NEXMIF: variants seen among roughly 807,000 people sequenced by gnomAD.
The protein encoded by NEXMIF is XLMR protein related to neurite extension.
A neutral mutation model predicts 62.1 loss-of-function variants in NEXMIF; 8 were observed. The ratio of observed to expected loss-of-function variants is 0.13; its 90% confidence interval spans 0.08 to 0.23. The LOEUF is 0.23. Among genes scored for constraint, NEXMIF ranks in the 10% least tolerant of loss-of-function variants. NEXMIF has a pLI of 1.00. For missense variants in NEXMIF, 976 were observed against 1,113.3 expected, an observed-to-expected ratio of 0.88 and a Z score of 1.75; for synonymous variants, 404 against 416.6, an observed-to-expected ratio of 0.97 and a Z score of 0.37.
intron 1 of NEXMIF, among the ~76,000 whole-genome samples, chrX:74,748,929 G>A (rs766008938): frequency 1.8e-5 from 2 of 111,865 alleles, no homozygotes; most frequent in East Asian, 5.6e-4. Flanking sequence ...TTTGGAGTTT[G>A]AGTAGTGCCA....
At chrX:74,922,273 G>A (rs1300369848) in intron 1 of NEXMIF, among the ~76,000 whole-genome samples, 1 of 111,727 alleles carries the variant, frequency 9.0e-6, no homozygotes, top group Non-Finnish European at 1.9e-5. Flanking sequence ...AAAAGGGACA[G>A]ACTTGAAGTA....
chrX:74,798,100 C>G (rs986970821), intron 1 of NEXMIF, among the ~76,000 whole-genome samples: 11 of 111,898 alleles, frequency 9.8e-5, no homozygotes, highest in African/African-American at 3.6e-4. Context: ...TGCCAGTAAA[C>G]CCAAGTACCT....
At chrX:74,829,310 T>C (rs773678368) in intron 1 of NEXMIF, among the ~76,000 whole-genome samples, 84 of 112,569 alleles carry the variant, frequency 7.5e-4, no homozygotes, top group Admixed American at 2.3e-3. Context: ...GATGTTTGTA[T>C]TTCTGTGCTT....
chrX:74,818,125 A>C (rs1018357614), intron 1 of NEXMIF, among the ~76,000 whole-genome samples: 1 of 111,072 alleles, frequency 9.0e-6, no homozygotes, highest in Admixed American at 9.6e-5. Flanking sequence ...ATTATAAAAA[A>C]AACTTATAAA....
chrX:74,899,351 T>A (rs1376192691), intron 1 of NEXMIF, among the ~76,000 whole-genome samples: 1 of 111,525 alleles, frequency 9.0e-6, no homozygotes, highest in Non-Finnish European at 1.9e-5. Flanking sequence ...CAAAAAAAAC[T>A]GTTAGAACTG....
At position 74,740,572 on chromosome X, in the gene NEXMIF, C is replaced by T; in HGVS notation, c.3985G>A (p.Asp1329Asn). 8.3e-7 allele frequency: 1 copy of T among 1,212,011 alleles called. No homozygotes were observed. Among genetic ancestry groups the T allele is most frequent in the Non-Finnish European group, 1.1e-6 (1 of 895,504 alleles). ...GAGGCCATCATGAATCTCTGCACAT[C>T]TGCCATACCAGAGGCAATGTTGGAC... ...ILSNIASGMADVQRFMMASIE... is the reference protein window; with the variant it reads ...ILSNIASGMANVQRFMMASIE... The change falls in exon 3 of 4, where the codon GAT becomes AAT. Residue 1329 changes from aspartate to asparagine, a missense_variant. Asp to Asn is a conservative substitution (Grantham distance 23). Coordinates refer to ENST00000055682, the MANE Select transcript of NEXMIF (RefSeq NM_001008537.3).
chrX:74,813,219 C>T (rs1396669909), intron 1 of NEXMIF, among the ~76,000 whole-genome samples: 1 of 111,252 alleles, frequency 9.0e-6, no homozygotes, highest in African/African-American at 3.3e-5. Flanking sequence ...CAATTTAGAG[C>T]CTCCACATTA....
intron 1 of NEXMIF, among the ~76,000 whole-genome samples, chrX:74,798,562 T>C (rs2080319452): frequency 8.9e-6 from 1 of 112,455 alleles, no homozygotes; most frequent in African/African-American, 3.2e-5. Flanking sequence ...GGTGGACATT[T>C]GGGCCTAGCT....
At chrX:74,878,804 C>A (rs1006975720) in intron 1 of NEXMIF, among the ~76,000 whole-genome samples, 9 of 112,407 alleles carry the variant, frequency 8.0e-5, no homozygotes, top group Non-Finnish European at 1.5e-4. Flanking sequence ...ACTCCCTGAC[C>A]CCTTGCGCTT....
Position 74,745,484 on chromosome X carries a change from G to T in NEXMIF, c.79+88C>A, listed in dbSNP as rs781557607. ...TTCAGAGGCATCCTGGACTCAACCT[G>T]TCCCAACTTTGTGGGTACTGAAAAT... On this transcript the variant is annotated intron_variant, in intron 2 of 3. Coordinates refer to ENST00000055682, the MANE Select transcript of NEXMIF (RefSeq NM_001008537.3). 94 of 642,117 alleles carry T rather than the reference G, an allele frequency of 1.5e-4. 2 individuals carry two copies. In the South Asian group the frequency reaches 2.2e-3, roughly 15 times the overall value. The allele number at this position is 642,117 out of a possible 1,213,427, so 52.9% of individuals were successfully genotyped here.
At chrX:74,894,541 A>C (rs2080727303) in intron 1 of NEXMIF, among the ~76,000 whole-genome samples, 1 of 111,414 alleles carries the variant, frequency 9.0e-6, no homozygotes, top group African/African-American at 3.3e-5. Flanking sequence ...CAAAAAAAGA[A>C]AACTACAGGC....
intron 1 of NEXMIF, among the ~76,000 whole-genome samples, chrX:74,876,481 G>A (rs1438391662): frequency 9.0e-6 from 1 of 110,848 alleles, no homozygotes; most frequent in African/African-American, 3.3e-5. Context: ...ATTTGGGGTG[G>A]AGAGTTCTGT....
intron 1 of NEXMIF, among the ~76,000 whole-genome samples, chrX:74,876,381 T>A: frequency 8.9e-6 from 1 of 111,964 alleles, no homozygotes; most frequent in Non-Finnish European, 1.9e-5. Flanking sequence ...TCTGTTCTTT[T>A]ACATTTGCTG....
chrX:74,893,693 G>C (rs1569364781), intron 1 of NEXMIF, among the ~76,000 whole-genome samples: 1 of 112,140 alleles, frequency 8.9e-6, no homozygotes, highest in East Asian at 2.8e-4. Flanking sequence ...CACAGTGCAT[G>C]GATGATGTGG....
At chrX:74,782,968 T>C (rs1376987689) in intron 1 of NEXMIF, among the ~76,000 whole-genome samples, 1 of 111,960 alleles carries the variant, frequency 8.9e-6, no homozygotes, top group Admixed American at 9.5e-5. Flanking sequence ...TTCTATTCTA[T>C]TTCATCTTTA....
intron 1 of NEXMIF, among the ~76,000 whole-genome samples, chrX:74,808,629 T>C (rs1333940275): frequency 8.9e-6 from 1 of 112,215 alleles, no homozygotes; most frequent in Non-Finnish European, 1.9e-5. Flanking sequence ...CTGGAAGCGA[T>C]TACAGAGAAC....
At chrX:74,814,704 C>T in intron 1 of NEXMIF, among the ~76,000 whole-genome samples, 1 of 112,313 alleles carries the variant, frequency 8.9e-6, no homozygotes, top group East Asian at 2.8e-4. Context: ...TTGATGAAAA[C>T]AATTACAGAA....
chrX:74,751,666 C>CTTCCT (rs2080143669), intron 1 of NEXMIF, among the ~76,000 whole-genome samples: 2 of 91,067 alleles, frequency 2.2e-5, no homozygotes, highest in African/African-American at 8.2e-5. Flanking sequence ...CCTTTCCTTC[C>CTTCCT]TTCCTTCCCT....
chrX:74,877,945 C>T (rs1327930141), intron 1 of NEXMIF, among the ~76,000 whole-genome samples: 1 of 111,709 alleles, frequency 9.0e-6, no homozygotes, highest in Non-Finnish European at 1.9e-5. Flanking sequence ...AATGTCCTCC[C>T]CTGGCTCGGA....
Sources: allele counts gnomAD v4.1 joint callset (sites outside exome capture counted in the v4.1 genomes callset), GRCh38; gene constraint gnomAD v4.1.1; transcripts MANE v1.5; gene names NCBI Gene and HGNC (gene_info 2026-07-23, HGNC 2026-07-21).